The following APPL1 variants were observed in gnomAD, a reference collection of about 807,000 sequenced individuals.
The protein encoded by APPL1 is DCC-interacting protein 13-alpha.
Under a neutral mutation model 106.8 loss-of-function variants are expected in APPL1, and 42 were observed. The ratio of observed to expected loss-of-function variants is 0.39; its 90% CI spans 0.31 to 0.51. The LOEUF (loss-of-function observed/expected upper bound fraction) is 0.51. Ranked by LOEUF, APPL1 falls within the 20% of genes least tolerant of loss-of-function variation. The probability of loss-of-function intolerance (pLI) is 0.75; values close to 1 mark genes in which losing one functional copy is unlikely to be tolerated. For missense variants in APPL1, 769 were observed against 858.2 expected, an observed-to-expected ratio of 0.90 and a Z score of 1.30; for synonymous variants, 263 against 281.8, an observed-to-expected ratio of 0.93 and a Z score of 0.67.
At chr3:57,241,787 A>G (rs941224266) in intron 5 of APPL1, among the ~76,000 whole-genome samples, 16 of 152,240 alleles carry the variant, frequency 1.1e-4, no homozygotes, top group African/African-American at 3.9e-4. Flanking sequence ...ATTTAGATTC[A>G]TATATCAAAA....
chr3:57,247,914 G>A (rs1306261866), intron 9 of APPL1, among the ~76,000 whole-genome samples: 1 of 152,148 alleles, frequency 6.6e-6, no homozygotes, highest in Non-Finnish European at 1.5e-5. Flanking sequence ...GAAAGTGATT[G>A]TTGTTTTAAA....
intron 7 of APPL1, among the ~76,000 whole-genome samples, chr3:57,243,206 G>A (rs1482531041): frequency 6.6e-6 from 1 of 152,126 alleles, no homozygotes; most frequent in African/African-American, 2.4e-5. Context: ...TGATGACATG[G>A]CATTGGTTCT....
chr3:57,239,964 A>G (rs2060736507), intron 4 of APPL1, among the ~76,000 whole-genome samples: 1 of 152,086 alleles, frequency 6.6e-6, no homozygotes, highest in East Asian at 1.9e-4. Flanking sequence ...GATATTGAGC[A>G]CCTTTTCATG....
At chr3:57,236,722 A>G (rs2060718532) in intron 2 of APPL1, among the ~76,000 whole-genome samples, 2 of 152,246 alleles carry the variant, frequency 1.3e-5, no homozygotes, top group Admixed American at 6.5e-5. Context: ...CTGGAGTACA[A>G]GAAGATGAAG....
intron 15 of APPL1, 123 bp from the exon 16 acceptor site, chr3:57,258,905 A>G (rs1300041526): frequency 1.5e-6 from 1 of 665,378 alleles, no homozygotes. Flanking sequence ...GTGTTTCTTA[A>G]TAGGATGGGG....
rs796065047 is a variant in APPL1, at chr3:57,238,111, G to A, written c.280G>A (p.Asp94Asn). ...ATTGCAACAGTTTTCAAAAGTTATA[G>A]ATGAGGTAAACGTTTATTTTATTTT... ...STLQQFSKVIDELSSCHAVLS... is the reference protein window; with the variant it reads ...STLQQFSKVINELSSCHAVLS... Residue 94 changes from aspartate to asparagine, a missense_variant, in exon 4 of 22, where the codon GAT (aspartate) becomes AAT (asparagine). Transcript: ENST00000288266. 3.1e-6 allele frequency: 5 copies of A among 1,608,328 alleles called. No homozygotes were observed. Among genetic ancestry groups the A allele is most frequent in the Non-Finnish European group, 4.2e-6 (5 of 1,177,100 alleles).
At chr3:57,261,138 T>G (rs2060863083) in intron 19 of APPL1, among the ~76,000 whole-genome samples, 1 of 152,144 alleles carries the variant, frequency 6.6e-6, no homozygotes. Flanking sequence ...CAGTCTCTGT[T>G]GTCTGTCATT....
rs946567537 is a variant in APPL1, at chr3:57,269,976, A to G, written c.*289A>G. Reference sequence around the variant, plus strand: ...ATTTGCTCAAGAATTTTTTCCGTCAAATTGTGAACTTTTAATTCTTGCATT... The same window carrying G: ...ATTTGCTCAAGAATTTTTTCCGTCAGATTGTGAACTTTTAATTCTTGCATT... On this transcript the variant is annotated 3_prime_UTR_variant, in exon 22 of 22. Coordinates refer to ENST00000288266, the MANE Select transcript of APPL1 (RefSeq NM_012096.3). The G allele has an allele frequency of 4.6e-6, 1 of 218,320 alleles. No homozygotes were observed. Among genetic ancestry groups the G allele is most frequent in the Non-Finnish European group, 9.0e-6 (1 of 111,448 alleles). The allele number at this position is 218,320 out of a possible 1,614,324, so 13.5% of individuals were successfully genotyped here. A position where few individuals can be genotyped will look rare whatever the true frequency, so the allele number is the denominator to read the frequency against.
Position 57,257,264 on chromosome 3 carries a change from A to G in APPL1, c.1266A>G (p.Thr422=). 1.9e-6 allele frequency: 3 copies of G among 1,613,068 alleles called. No homozygotes were observed. The highest frequency in any genetic ancestry group is 1.7e-6 in the Non-Finnish European group (2 of 1,179,710). Residue 422 remains threonine, a synonymous_variant, in exon 15 of 22, where the codon ACA becomes ACG. Coordinates refer to ENST00000288266, the MANE Select transcript of APPL1 (RefSeq NM_012096.3). Reference sequence around the variant, plus strand: ...TGCTTAGACAATCTCGGCCACCGACAGCTCGAACCAGCAGTTCAGGATCCT... The same window carrying G: ...TGCTTAGACAATCTCGGCCACCGACGGCTCGAACCAGCAGTTCAGGATCCT... The part of the protein sequence containing the change: ...RPAAGQSRPP[T]ARTSSSGSLG...
chr3:57,233,260 A>G (rs1383693866), intron 1 of APPL1, among the ~76,000 whole-genome samples: 1 of 152,206 alleles, frequency 6.6e-6, no homozygotes, highest in Non-Finnish European at 1.5e-5. Context: ...TGCATCTTAC[A>G]ATGGATACCA....
At chr3:57,236,996 T>C (rs1010501722) in intron 2 of APPL1, among the ~76,000 whole-genome samples, 15 of 152,238 alleles carry the variant, frequency 9.9e-5, no homozygotes, top group African/African-American at 2.2e-4. Context: ...TACAGAGATA[T>C]ATGATTAATA....
intron 2 of APPL1, 109 bp downstream of exon 2, chr3:57,235,773 CATAGTAATAAAT>C: frequency 3.0e-6 from 2 of 665,538 alleles, no homozygotes; most frequent in South Asian, 4.7e-5. Flanking sequence ...GTGTTAGGCT[CATAGTAATAAAT>C]ATTTGTTGAA....
chr3:57,260,384 T>G, intron 18 of APPL1: 1 of 561,260 alleles, frequency 1.8e-6, no homozygotes, highest in South Asian at 3.4e-5. Context: ...AACACAGTTC[T>G]TTTTGACTTT....
At chr3:57,238,148 TG>T in intron 4 of APPL1, 32 bp downstream of exon 4, 3 of 1,532,980 alleles carry the variant, frequency 2.0e-6, no homozygotes, top group Non-Finnish European at 2.7e-6. Context: ...CTTGATTAAA[TG>T]GTCTTATAAT....
intron 12 of APPL1, among the ~76,000 whole-genome samples, chr3:57,253,326 A>G (rs1179731363): frequency 1.3e-5 from 2 of 152,160 alleles, no homozygotes; most frequent in Non-Finnish European, 2.9e-5. Flanking sequence ...AAAGATAAAT[A>G]TAGATTATTA....
rs201749328 is a variant in APPL1, at chr3:57,267,694, C to T, written c.1843-48C>T. ...GTTATTTGGATACTTGACATTTTTG[C>T]TTTGTTGTGAGAACTGCCTGAATTT... On this transcript the variant is annotated intron_variant, in intron 19 of 21. Coordinates refer to ENST00000288266, the MANE Select transcript of APPL1 (RefSeq NM_012096.3). 4.1e-4 allele frequency: 641 copies of T among 1,551,446 alleles called. 1 individual carries two copies. The highest frequency in any genetic ancestry group is 5.3e-4 in the Non-Finnish European group (592 of 1,125,288).
chr3:57,256,662 T>A lies in APPL1; in HGVS notation c.1153-295T>A, dbSNP rs191775069. On this transcript the variant is annotated intron_variant, in intron 13 of 21. Transcript: ENST00000288266. ...AGTTAAAAATGTAAAGAAAACAATA[T>A]TTTCTTTAAAAATTTAAAGTGTGCA... Among the ~76,000 whole-genome samples the A allele has an allele frequency of 5.9e-5, 9 of 152,302 alleles. No homozygotes were observed. The East Asian group carries it at 1.7e-3, about 29-fold the overall frequency.
Position 57,273,052 on chromosome 3 carries a change from A to G in APPL1, c.*3365A>G, listed in dbSNP as rs1414700892. 1 of 152,632 alleles carries G rather than the reference A, an allele frequency of 6.6e-6. No homozygotes were observed. Among genetic ancestry groups the G allele is most frequent in the Non-Finnish European group, 1.5e-5 (1 of 68,024 alleles). The allele number at this position is 152,632 out of a possible 1,614,324, so 9.5% of individuals were successfully genotyped here. A position where few individuals can be genotyped will look rare whatever the true frequency, so the allele number is the denominator to read the frequency against. On this transcript the variant is annotated 3_prime_UTR_variant, in exon 22 of 22. Transcript: ENST00000288266. ...CATGAGATTTTGTCTTTCTACATTA[A>G]CTAGTAAGACATAAAGATTTGAAAC...
chr3:57,272,603 A>C lies in APPL1; in HGVS notation c.*2916A>C, dbSNP rs1465339892. 6.6e-6 allele frequency: 1 copy of C among 151,944 alleles called. No homozygotes were observed. Among genetic ancestry groups the C allele is most frequent in the Non-Finnish European group, 1.5e-5 (1 of 68,020 alleles). The allele number at this position is 151,944 out of a possible 1,614,324, so 9.4% of individuals were successfully genotyped here. On this transcript the variant is annotated 3_prime_UTR_variant, in exon 22 of 22. Coordinates refer to ENST00000288266, the MANE Select transcript of APPL1 (RefSeq NM_012096.3). The stretch of plus-strand genomic sequence containing the variant: ...ACCTGCCACCTGAATAAAATGAAAA[A>C]AAAAGTGTTTTTTTGAGACAGAGTC...
Sources: allele counts gnomAD v4.1 joint callset (sites outside exome capture counted in the v4.1 genomes callset), GRCh38; gene constraint gnomAD v4.1.1; transcripts MANE v1.5; gene names NCBI Gene and HGNC (gene_info 2026-07-23, HGNC 2026-07-21).